CXCL14: variants seen among roughly 807,000 people sequenced by gnomAD.
CXCL14 encodes the protein C-X-C motif chemokine ligand 14, also known as C-X-C motif chemokine 14.
Under a neutral mutation model 16.1 loss-of-function variants are expected in CXCL14, and 9 were observed. That is an observed-to-expected ratio of 0.56 (90% CI 0.34 to 0.97). The LOEUF is 0.97. Ranked by LOEUF, CXCL14 falls within the 50% of genes least tolerant of loss-of-function variation. The pLI, the probability that CXCL14 is intolerant of heterozygous loss-of-function variation, is 0.02. For missense variants in CXCL14, 111 were observed against 132.5 expected (o/e 0.84, Z 0.80); for synonymous variants, 55 against 52.8 (o/e 1.04, Z -0.18).
At chr5:135,578,116 C>T (rs926809421) in intron 2 of CXCL14, among the ~76,000 whole-genome samples, 2 of 152,218 alleles carry the variant, frequency 1.3e-5, no homozygotes, top group Non-Finnish European at 2.9e-5. Flanking sequence ...TGAGTTGGCA[C>T]AAGGGAACCC....
In CXCL14 at chr5:135,574,801, G is replaced by A. The variant is rs1032621250; in HGVS notation, c.171-116C>T. On this transcript the variant is annotated intron_variant, in intron 2 of 3. Coordinates refer to ENST00000512158, the MANE Select transcript of CXCL14 (RefSeq NM_004887.5). ...GGGCCCTGAGAGACTGTGGCTTCCTGCCTCCTCTCAAGGGAGCCGACTTGT... is the reference window on the plus strand; with the variant it reads ...GGGCCCTGAGAGACTGTGGCTTCCTACCTCCTCTCAAGGGAGCCGACTTGT... 18 of 818,774 alleles carry A rather than the reference G, an allele frequency of 2.2e-5. No individual in the cohort carries two copies. The South Asian group carries it at 2.7e-4, about 12-fold the overall frequency. The allele number at this position is 818,774 out of a possible 1,614,324, so 50.7% of individuals were successfully genotyped here.
intron 2 of CXCL14, among the ~76,000 whole-genome samples, chr5:135,577,974 T>C (rs1751137033): frequency 6.6e-6 from 1 of 152,236 alleles, no homozygotes; most frequent in Non-Finnish European, 1.5e-5. Flanking sequence ...TGTCTCTGAC[T>C]GGAACAAGGC....
intron 2 of CXCL14, among the ~76,000 whole-genome samples, chr5:135,575,689 T>C (rs1751087348): frequency 6.6e-6 from 1 of 152,196 alleles, no homozygotes; most frequent in Non-Finnish European, 1.5e-5. Context: ...AGCCTGCTGC[T>C]CAGAACTTCT....
At chr5:135,576,251 A>T (rs1003854091) in intron 2 of CXCL14, among the ~76,000 whole-genome samples, 1 of 151,746 alleles carries the variant, frequency 6.6e-6, no homozygotes, top group Admixed American at 6.6e-5. Flanking sequence ...TTCAGAGTGA[A>T]CTCTGGTTGT....
intron 2 of CXCL14, 40 bp from the exon 3 acceptor site, chr5:135,574,725 G>T: frequency 6.6e-7 from 1 of 1,517,680 alleles, no homozygotes; most frequent in South Asian, 1.1e-5. Context: ...TGAGGAGCCT[G>T]AATAACATGT....
chr5:135,572,618 T>TATCA (rs779941916), intron 3 of CXCL14, among the ~76,000 whole-genome samples: 2 of 152,360 alleles, frequency 1.3e-5, no homozygotes, highest in Middle Eastern at 3.4e-3. Flanking sequence ...ACACTTAGCC[T>TATCA]ATCACTTTTC....
Position 135,574,950 on chromosome 5 carries a change from T to A in CXCL14, c.171-265A>T, listed in dbSNP as rs775002962. ...ACTTTTCCCCTGGGAGTCCTGAGAG[T>A]CTGGGATGGTCTCTCCCACCCCCAA... On this transcript the variant is annotated intron_variant, in intron 2 of 3. Coordinates refer to ENST00000512158, the MANE Select transcript of CXCL14 (RefSeq NM_004887.5). Among the ~76,000 whole-genome samples, 269 of 152,100 alleles carry A rather than the reference T, an allele frequency of 1.8e-3. 4 individuals are homozygous for A. Among genetic ancestry groups the A allele is most frequent in the Non-Finnish European group, 3.0e-3 (205 of 67,980 alleles).
intron 2 of CXCL14, among the ~76,000 whole-genome samples, chr5:135,576,594 T>C (rs1205706989): frequency 1.3e-5 from 2 of 152,162 alleles, no homozygotes; most frequent in Non-Finnish European, 2.9e-5. Context: ...TGTGACCCTC[T>C]CCTCCACAGT....
intron 2 of CXCL14, among the ~76,000 whole-genome samples, chr5:135,577,469 G>T (rs1751121501): frequency 6.6e-6 from 1 of 152,248 alleles, no homozygotes; most frequent in Admixed American, 6.5e-5. Context: ...GCCTGACAGT[G>T]TAGCCCCTAG....
intron 2 of CXCL14, 56 bp downstream of exon 2, chr5:135,578,378 C>CT: frequency 7.0e-7 from 1 of 1,429,854 alleles, no homozygotes; most frequent in South Asian, 1.1e-5. Flanking sequence ...AGGCTGTGCC[C>CT]TGGCATTGGG....
chr5:135,574,669 C>T lies in CXCL14; in HGVS notation c.187G>A (p.Val63Met), dbSNP rs546943314. The T allele has an allele frequency of 3.5e-5, 57 of 1,613,592 alleles. No individual in the cohort carries two copies. The East Asian group carries it at 6.5e-4, about 18-fold the overall frequency. ...EKMVIITTKS[V>M]SRYRGQEHCL... ...TGCTCCTGACCTCGGTACCTGGACA[C>T]GCTCTTGGTGGTGATGCTGAAACGG... The change falls in exon 3 of 4, where the codon GTG (valine) becomes ATG (methionine). Residue 63 changes from valine to methionine, a missense_variant. Val to Met is a conservative substitution (Grantham distance 21). Coordinates refer to ENST00000512158, the MANE Select transcript of CXCL14 (RefSeq NM_004887.5).
At position 135,578,591 on chromosome 5, in the gene CXCL14, T is replaced by A. The variant is rs746373310; in HGVS notation, c.65-52A>T. ...TAGTTGCTAGGCGGTCTCCTGCCCC[T>A]CGACCACCTTGGTGCCCACCCAGAC... On this transcript the variant is annotated intron_variant, in intron 1 of 3. Coordinates refer to ENST00000512158, the MANE Select transcript of CXCL14 (RefSeq NM_004887.5). 4 of 1,600,698 alleles carry A rather than the reference T, an allele frequency of 2.5e-6. No homozygotes were observed. In the Admixed American group the frequency reaches 5.0e-5, roughly 20 times the overall value.
chr5:135,577,630 T>C (rs1159646142), intron 2 of CXCL14, among the ~76,000 whole-genome samples: 1 of 152,196 alleles, frequency 6.6e-6, no homozygotes, highest in Non-Finnish European at 1.5e-5. Flanking sequence ...GAGGGGCCAA[T>C]GGTCTGTGGC....
chr5:135,577,543 C>T (rs931990233), intron 2 of CXCL14, among the ~76,000 whole-genome samples: 1 of 152,132 alleles, frequency 6.6e-6, no homozygotes, highest in African/African-American at 2.4e-5. Context: ...AAGGCCTTTG[C>T]GCCGGTGGGG....
chr5:135,577,818 C>G (rs1341142380), intron 2 of CXCL14, among the ~76,000 whole-genome samples: 2 of 152,212 alleles, frequency 1.3e-5, no homozygotes, highest in Non-Finnish European at 2.9e-5. Context: ...AAGCAGGGCT[C>G]CAGCCATGTG....
intron 2 of CXCL14, among the ~76,000 whole-genome samples, chr5:135,576,136 G>A (rs1751093137): frequency 6.6e-6 from 1 of 152,152 alleles, no homozygotes; most frequent in Non-Finnish European, 1.5e-5. Context: ...TAAGCTCCTT[G>A]GGGCAGGGGC....
In CXCL14 at chr5:135,571,636, T is replaced by C. The variant is rs1751029347; in HGVS notation, c.*217A>G. The C allele has an allele frequency of 1.9e-6, 1 of 521,790 alleles. No individual in the cohort carries two copies. The highest frequency in any genetic ancestry group is 3.3e-6 in the Non-Finnish European group (1 of 299,306). 32.3% of individuals were successfully genotyped at this position (521,790 alleles called of 1,614,324 possible). A position where few individuals can be genotyped will look rare whatever the true frequency, so the allele number is the denominator to read the frequency against. On this transcript the variant is annotated 3_prime_UTR_variant, in exon 4 of 4. Coordinates refer to ENST00000512158, the MANE Select transcript of CXCL14 (RefSeq NM_004887.5). Reference sequence around the variant, plus strand: ...GAGCACAAGAGAGATGGGTCTCCCATCTGGAAGCCTTTCGCACGCAGCTAT... The same window carrying C: ...GAGCACAAGAGAGATGGGTCTCCCACCTGGAAGCCTTTCGCACGCAGCTAT...
intron 3 of CXCL14, 39 bp from the exon 4 acceptor site, chr5:135,571,907 T>C (rs1751036271): frequency 1.9e-6 from 3 of 1,610,954 alleles, no homozygotes; most frequent in African/African-American, 2.7e-5. Flanking sequence ...GCTCAGGACA[T>C]GAGGCAGGCC....
At chr5:135,572,693 G>A (rs930786474) in intron 3 of CXCL14, among the ~76,000 whole-genome samples, 8 of 152,200 alleles carry the variant, frequency 5.3e-5, no homozygotes, top group Non-Finnish European at 1.0e-4. Flanking sequence ...GCCTGACTAG[G>A]CTGCTTCCTG....
Sources: allele counts gnomAD v4.1 joint callset (sites outside exome capture counted in the v4.1 genomes callset), GRCh38; gene constraint gnomAD v4.1.1; transcripts MANE v1.5; gene names NCBI Gene and HGNC (gene_info 2026-07-23, HGNC 2026-07-21).